The following ODR4 variants were observed in gnomAD, a reference collection of about 807,000 sequenced individuals.
ODR4 encodes the protein odr-4 GPCR localization factor homolog, also known as protein odr-4 homolog.
Under a neutral mutation model 60.2 loss-of-function variants are expected in ODR4, and 47 were observed. The observed-to-expected ratio is 0.78, with a 90% CI of 0.62 to 1.00. ODR4 has a LOEUF of 1.00. ODR4 is among the 50% of genes least tolerant of loss of function. The probability of loss-of-function intolerance (pLI) is 0.00; values close to 1 mark genes in which losing one functional copy is unlikely to be tolerated. For synonymous variants in ODR4, 178 were observed against 175.5 expected, an observed-to-expected ratio of 1.01 and a Z score of -0.11; for missense variants, 488 against 530.8, an observed-to-expected ratio of 0.92 and a Z score of 0.79.
intron 13 of ODR4, among the ~76,000 whole-genome samples, chr1:186,417,997 GACAA>G (rs1455265270): frequency 1.3e-5 from 2 of 152,158 alleles, no homozygotes; most frequent in African/African-American, 2.4e-5. Context: ...GGTGTTCTAT[GACAA>G]ACAACGTTAA....
rs1660918572 is a variant in ODR4, at chr1:186,400,927, C to CT, written c.1000+1886dup. On this transcript the variant is annotated intron_variant, in intron 11 of 13. Coordinates refer to ENST00000287859, the MANE Select transcript of ODR4 (RefSeq NM_017847.6). ...GTCTAGCAGCCCCATCTCAGTGTGGCTTTGTTTTTGCAATTTGACTTTGAG... is the reference window on the plus strand; with the variant it reads ...GTCTAGCAGCCCCATCTCAGTGTGGCTTTTGTTTTTGCAATTTGACTTTGAG... 4.2e-6 allele frequency: 4 copies of CT among 948,182 alleles called. No individual in the cohort carries two copies. In the Admixed American group the frequency reaches 6.6e-5, roughly 16 times the overall value. 58.7% of individuals were successfully genotyped at this position (948,182 alleles called of 1,614,324 possible).
At chr1:186,392,009 A>G (rs1660486614) in intron 8 of ODR4, among the ~76,000 whole-genome samples, 1 of 152,240 alleles carries the variant, frequency 6.6e-6, no homozygotes, top group Non-Finnish European at 1.5e-5. Context: ...GAAGACATAC[A>G]TGCAGCCAAG....
chr1:186,423,070 A>C (rs796917954), downstream of ODR4, among the ~76,000 whole-genome samples: 1 of 152,202 alleles, frequency 6.6e-6, no homozygotes, highest in Admixed American at 6.5e-5. Context: ...ATTTACTTAA[A>C]TTGGCTCAGG....
At chr1:186,423,317 GCACTTACTAA>G (rs1558109404), downstream of ODR4, among the ~76,000 whole-genome samples, 22 of 151,736 alleles carry the variant, frequency 1.4e-4, no homozygotes. Context: ...CAGGCTGATA[GCACTTACTAA>G]CACTTGTAAA....
intron 12 of ODR4, among the ~76,000 whole-genome samples, chr1:186,414,985 A>G (rs1661509040): frequency 6.6e-6 from 1 of 152,198 alleles, no homozygotes. Context: ...CTGAAGTATT[A>G]TAGCCCTTGA....
At position 186,391,555 on chromosome 1, in the gene ODR4, T is replaced by G. The variant is rs886230358; in HGVS notation, c.616-141T>G. 4.8e-6 allele frequency: 3 copies of G among 625,740 alleles called. No homozygotes were observed. In the African/African-American group the frequency reaches 5.7e-5, roughly 12 times the overall value. The allele number at this position is 625,740 out of a possible 1,614,324, so 38.8% of individuals were successfully genotyped here. The stretch of plus-strand genomic sequence containing the variant: ...TGGGGGTATACTTTTTTTTAATTTG[T>G]GAAACTAGATTTAAATGCTGCAGTA... On this transcript the variant is annotated intron_variant, in intron 7 of 13. Coordinates refer to ENST00000287859, the MANE Select transcript of ODR4 (RefSeq NM_017847.6).
chr1:186,416,353 T>C (rs944663115), intron 12 of ODR4, among the ~76,000 whole-genome samples: 7 of 152,024 alleles, frequency 4.6e-5, no homozygotes, highest in African/African-American at 1.7e-4. Flanking sequence ...CTGGCCAACA[T>C]GGTGAAATCC....
chr1:186,433,626 A>C, the ODR4 span, among the ~76,000 whole-genome samples: 2 of 151,946 alleles, frequency 1.3e-5, no homozygotes, highest in Admixed American at 1.3e-4. Flanking sequence ...TGTGGCGCAG[A>C]CTGGAGTGCA....
At chr1:186,396,756 G>C (rs1179598861) in intron 9 of ODR4, among the ~76,000 whole-genome samples, 1 of 151,342 alleles carries the variant, frequency 6.6e-6, no homozygotes, top group Non-Finnish European at 1.5e-5. Flanking sequence ...TAGATAGATA[G>C]ATATATGTAT....
chr1:186,419,629 G>T lies in ODR4; in HGVS notation c.*553G>T, dbSNP rs538754292. ...TTGGAGGCTGAAGCAGGAAGATCAC[G>T]TGAGCCCAGGAGTTTGAGGCTGCAG... On this transcript the variant is annotated 3_prime_UTR_variant, in exon 14 of 14. Transcript: ENST00000287859. The T allele has an allele frequency of 6.5e-6, 1 of 152,900 alleles. No homozygotes were observed. Among genetic ancestry groups the T allele is most frequent in the Non-Finnish European group, 1.5e-5 (1 of 68,702 alleles). The allele number at this position is 152,900 out of a possible 1,614,324, so 9.5% of individuals were successfully genotyped here.
At chr1:186,384,572 G>GACACACACACACACACACACACACAC (rs368870659) in intron 3 of ODR4, among the ~76,000 whole-genome samples, 5 of 129,548 alleles carry the variant, frequency 3.9e-5, no homozygotes, top group African/African-American at 1.3e-4. Context: ...AATTGTATAT[G>GACACACACACACACACACACACACAC]ACACACACAC....
At chr1:186,388,407 T>G (rs761174361) in intron 4 of ODR4, 35 bp from the exon 5 acceptor site, 2 of 1,237,772 alleles carry the variant, frequency 1.6e-6, no homozygotes, top group South Asian at 2.9e-5. Context: ...TTTTTCATTT[T>G]ACATTCAATT....
chr1:186,399,065 CT>C, intron 11 of ODR4, 21 bp downstream of exon 11: 2 of 1,492,478 alleles, frequency 1.3e-6, no homozygotes, highest in Non-Finnish European at 1.9e-6. Context: ...AAAATAAGTA[CT>C]TTTTTGCGTA....
In ODR4 at chr1:186,393,938, T is replaced by G. The variant is rs747114145; in HGVS notation, c.712-9T>G. 6 of 1,490,812 alleles carry G rather than the reference T, an allele frequency of 4.0e-6. No individual in the cohort carries two copies. The African/African-American group carries it at 5.6e-5, about 14-fold the overall frequency. The allele number at this position is 1,490,812 out of a possible 1,614,324, so 92.3% of individuals were successfully genotyped here. On this transcript the variant is annotated splice_polypyrimidine_tract_variant and intron_variant, in intron 8 of 13. Coordinates refer to ENST00000287859, the MANE Select transcript of ODR4 (RefSeq NM_017847.6). ...ACAGTTTGGCTTTTTAACTTTTGTGTTTTTTCAGAAAAAATCTTCTAGAGG... is the reference window on the plus strand; with the variant it reads ...ACAGTTTGGCTTTTTAACTTTTGTGGTTTTTCAGAAAAAATCTTCTAGAGG...
chr1:186,434,332 C>T, the ODR4 span, among the ~76,000 whole-genome samples: 1 of 151,974 alleles, frequency 6.6e-6, no homozygotes, highest in Non-Finnish European at 1.5e-5. Flanking sequence ...ATAGCCAATA[C>T]CTGGGTTTAA....
intron 13 of ODR4, among the ~76,000 whole-genome samples, chr1:186,418,374 T>A (rs1030359894): frequency 1.3e-5 from 2 of 148,684 alleles, no homozygotes; most frequent in Non-Finnish European, 3.0e-5. Flanking sequence ...CACTGCAAGC[T>A]CCGCTTCCCG....
chr1:186,394,686 T>G (rs1306631508), intron 9 of ODR4, among the ~76,000 whole-genome samples: 1 of 152,210 alleles, frequency 6.6e-6, no homozygotes, highest in Non-Finnish European at 1.5e-5. Flanking sequence ...AGAAATACTC[T>G]CAGGACTTGT....
intron 3 of ODR4, 119 bp from the exon 4 acceptor site, chr1:186,385,869 T>G (rs776506733): frequency 1.7e-6 from 1 of 604,618 alleles, no homozygotes; most frequent in Non-Finnish European, 2.9e-6. Flanking sequence ...TCAGATAGTT[T>G]TATTTATAAA....
At position 186,384,572 on chromosome 1, in the gene ODR4, G is replaced by GACACACACACAC. The variant is rs368870659; in HGVS notation, c.235-1394_235-1383dup. Among the ~76,000 whole-genome samples, 641 of 129,628 alleles carry GACACACACACAC rather than the reference G, an allele frequency of 4.9e-3. 9 individuals are homozygous for GACACACACACAC. Among genetic ancestry groups the GACACACACACAC allele is most frequent in the East Asian group, 0.018 (89 of 4,872 alleles). The allele number at this position is 129,628 out of a possible 152,430, so 85.0% of individuals were successfully genotyped here. On this transcript the variant is annotated intron_variant, in intron 3 of 13. Transcript: ENST00000287859. Reference sequence around the variant, plus strand: ...TTTGGTCTCTCATAAAATTGTATATGACACACACACACACACACACACACA... The same window carrying GACACACACACAC: ...TTTGGTCTCTCATAAAATTGTATATGACACACACACACACACACACACACACACACACACACA...
Sources: gnomAD v4.1 joint callset for allele counts (sites outside exome capture counted in the v4.1 genomes callset) on GRCh38, gnomAD v4.1.1 for gene constraint, MANE v1.5 for transcripts, NCBI Gene and HGNC (gene_info 2026-07-23, HGNC 2026-07-21) for gene names.